LRRK1: variants seen among roughly 807,000 people sequenced by gnomAD.
LRRK1 encodes the protein leucine rich repeat kinase 1, also known as leucine-rich repeat serine/threonine-protein kinase 1.
Under a neutral mutation model 209.1 loss-of-function variants are expected in LRRK1, and 113 were observed. That is an observed-to-expected ratio of 0.54 (90% CI 0.46 to 0.63). The LOEUF is 0.63. LRRK1 is among the 30% of genes least tolerant of loss of function. The pLI, the probability that LRRK1 is intolerant of heterozygous loss-of-function variation, is 0.00. For synonymous variants in LRRK1, 1,144 were observed against 1,099.7 expected (o/e 1.04, Z -0.80); for missense variants, 2,284 against 2,632.2 (o/e 0.87, Z 2.89).
chr15:101,051,694 G>C lies in LRRK1; in HGVS notation c.3440-17G>C. ...CCACCTTCTTGTGAAGCTGTCTCCT[G>C]CTCTGTCCTTATTTAGCCCTGACAG... On this transcript the variant is annotated splice_polypyrimidine_tract_variant and intron_variant, in intron 23 of 33. Coordinates refer to ENST00000388948, the MANE Select transcript of LRRK1 (RefSeq NM_024652.6). 6.2e-7 allele frequency: 1 copy of C among 1,611,906 alleles called. No homozygotes were observed. Among genetic ancestry groups the C allele is most frequent in the Non-Finnish European group, 8.5e-7 (1 of 1,179,026 alleles).
intron 3 of LRRK1, among the ~76,000 whole-genome samples, chr15:100,974,499 T>C (rs752312435): frequency 6.6e-6 from 1 of 152,186 alleles, no homozygotes; most frequent in Non-Finnish European, 1.5e-5. Flanking sequence ...CAGCTGCTGC[T>C]CGTACTTTTA....
chr15:100,934,495 G>A lies in LRRK1; in HGVS notation c.97+9766G>A, dbSNP rs2042260596. Among the ~76,000 whole-genome samples the A allele has an allele frequency of 2.6e-5, 4 of 152,090 alleles. No individual in the cohort carries two copies. The South Asian group carries it at 8.3e-4, about 32-fold the overall frequency. On this transcript the variant is annotated intron_variant, in intron 2 of 33. Transcript: ENST00000388948. ...CCAGTTGTAGCAGGAAAAGTAGACA[G>A]CAAAGAACAAGAGAGCTGAGCAAGG...
At chr15:100,954,160 C>T (rs952737253) in intron 2 of LRRK1, among the ~76,000 whole-genome samples, 7 of 152,100 alleles carry the variant, frequency 4.6e-5, no homozygotes, top group African/African-American at 9.7e-5. Context: ...GTGATCTGCC[C>T]GCCTCGGCCT....
At position 101,008,938 on chromosome 15, in the gene LRRK1, C is replaced by A; in HGVS notation, c.864C>A (p.Asn288Lys). The change falls in exon 7 of 34, where the codon AAC becomes AAA. Residue 288 changes from asparagine to lysine, a missense_variant. Physicochemically the swap from Asn to Lys is moderately conservative, Grantham distance 94. This residue lies in a region of LRRK1 where 494 missense variants were observed against 522.1 expected (regional missense o/e 0.95). Coordinates refer to ENST00000388948, the MANE Select transcript of LRRK1 (RefSeq NM_024652.6). ...TCACGGAGCTCGACCTTTCTGCCAACTGCCTGGCGACCCTCCCCTCGGTTA... is the reference window on the plus strand; with the variant it reads ...TCACGGAGCTCGACCTTTCTGCCAAATGCCTGGCGACCCTCCCCTCGGTTA... ...CQITELDLSA[N>K]CLATLPSVIP... 6.2e-7 allele frequency: 1 copy of A among 1,614,210 alleles called. No individual in the cohort carries two copies. The highest frequency in any genetic ancestry group is 8.5e-7 in the Non-Finnish European group (1 of 1,180,016).
chr15:101,067,922 G>C (rs1194795124), intron 33 of LRRK1, among the ~76,000 whole-genome samples: 1 of 152,192 alleles, frequency 6.6e-6, no homozygotes, highest in Non-Finnish European at 1.5e-5. Context: ...CCTCTTTCTC[G>C]CTAGAGGGAG....
intron 6 of LRRK1, among the ~76,000 whole-genome samples, chr15:100,991,243 T>C (rs1262658224): frequency 1.3e-5 from 2 of 152,236 alleles, no homozygotes; most frequent in East Asian, 1.9e-4. Flanking sequence ...AGGCACTGCA[T>C]TTAAGTTTTA....
At chr15:100,985,465 T>C (rs1042627927) in intron 4 of LRRK1, among the ~76,000 whole-genome samples, 2 of 152,116 alleles carry the variant, frequency 1.3e-5, no homozygotes, top group African/African-American at 4.8e-5. Context: ...GCAGGGGAAA[T>C]TGAGGCAGAA....
intron 2 of LRRK1, among the ~76,000 whole-genome samples, chr15:100,972,934 A>ACACACACC (rs11472046): frequency 0.37 from 56,192 of 151,418 alleles, 12,282 homozygotes; most frequent in South Asian, 0.58. Context: ...ACACACACAC[A>ACACACACC]CACCCAGTTT....
At chr15:101,037,234 G>A (rs2034526830) in intron 20 of LRRK1, among the ~76,000 whole-genome samples, 1 of 152,214 alleles carries the variant, frequency 6.6e-6, no homozygotes, top group Non-Finnish European at 1.5e-5. Context: ...GCTGGTATTG[G>A]CAGTGGCTGC....
intron 2 of LRRK1, among the ~76,000 whole-genome samples, chr15:100,939,886 T>A (rs965175991): frequency 6.6e-6 from 1 of 152,244 alleles, no homozygotes; most frequent in East Asian, 1.9e-4. Context: ...TGGGGTTTTT[T>A]TTCCTTAGTA....
chr15:100,934,846 G>A (rs1348942820), intron 2 of LRRK1, among the ~76,000 whole-genome samples: 1 of 150,584 alleles, frequency 6.6e-6, no homozygotes, highest in Non-Finnish European at 1.5e-5. Context: ...AAACCAGAGA[G>A]TGATGCTCAA....
At chr15:101,051,611 C>T in intron 23 of LRRK1, 100 bp from the exon 24 acceptor site, 2 of 1,466,362 alleles carry the variant, frequency 1.4e-6, no homozygotes, top group South Asian at 2.6e-5. Flanking sequence ...GGCAGCTCCC[C>T]TGCTGCGAAG....
Position 101,022,095 on chromosome 15 carries a change from A to G in LRRK1, c.1852+138A>G, listed in dbSNP as rs1198828565. On this transcript the variant is annotated intron_variant, in intron 14 of 33. Coordinates refer to ENST00000388948, the MANE Select transcript of LRRK1 (RefSeq NM_024652.6). The surrounding 1 kb of genome is among the most constrained non-coding windows in gnomAD (Gnocchi z 4.0). Reference sequence around the variant, plus strand: ...GGTTCCAGATTTGACAAGATGCTATAAAATTGTCCCTAAAGCAATCGTTAC... The same window carrying G: ...GGTTCCAGATTTGACAAGATGCTATGAAATTGTCCCTAAAGCAATCGTTAC... The G allele has an allele frequency of 4.5e-6, 3 of 666,032 alleles. No individual in the cohort carries two copies. In the Admixed American group the frequency reaches 8.6e-5, roughly 19 times the overall value. 41.3% of individuals were successfully genotyped at this position (666,032 alleles called of 1,614,324 possible). A position where few individuals can be genotyped will look rare whatever the true frequency, so the allele number is the denominator to read the frequency against.
At chr15:100,950,907 T>C (rs533285496) in intron 2 of LRRK1, among the ~76,000 whole-genome samples, 12 of 152,034 alleles carry the variant, frequency 7.9e-5, no homozygotes, top group East Asian at 1.9e-4. Context: ...ATCGAGACCA[T>C]CCTGGCTAAC....
At position 101,026,107 on chromosome 15, in the gene LRRK1, G is replaced by C; in HGVS notation, c.2375G>C (p.Gly792Ala). The change falls in exon 17 of 34, where the codon GGC becomes GCC. Residue 792 changes from glycine (G) to alanine (A), a missense_variant. Gly to Ala is a moderately conservative substitution (Grantham distance 60, BLOSUM62 0). Transcript: ENST00000388948. ...TCCCCCTCCGGCTCCAGGGCCACAG[G>C]CTTCCCAGACATCACCTTCAAACAC... ...CRSPSGSRAT[G>A]FPDITFKHLH... is the part of the protein sequence containing the mutation. 3 of 1,614,242 alleles carry C rather than the reference G, an allele frequency of 1.9e-6. No homozygotes were observed. In the South Asian group the frequency reaches 3.3e-5, roughly 18 times the overall value.
intron 28 of LRRK1, among the ~76,000 whole-genome samples, chr15:101,057,778 G>A (rs922448854): frequency 6.6e-6 from 1 of 152,238 alleles, no homozygotes; most frequent in Non-Finnish European, 1.5e-5. Context: ...CTGACCAGAT[G>A]AGCTTAAATT....
At chr15:100,949,247 A>G (rs2042599419) in intron 2 of LRRK1, among the ~76,000 whole-genome samples, 1 of 152,188 alleles carries the variant, frequency 6.6e-6, no homozygotes, top group Non-Finnish European at 1.5e-5. Context: ...AATACTGTGA[A>G]CAATTTGCAC....
At chr15:100,962,824 T>TACATATATATATATATACA (rs1555461505) in intron 2 of LRRK1, among the ~76,000 whole-genome samples, 4 of 8,436 alleles carry the variant, frequency 4.7e-4, no homozygotes, top group Non-Finnish European at 5.7e-4. Flanking sequence ...TATATATATA[T>TACATATATATATATATACA]TTTTTTTTTT....
Position 100,973,679 on chromosome 15 carries a change from C to G in LRRK1, c.98-125C>G, listed in dbSNP as rs190159794. The G allele has an allele frequency of 1.8e-5, 18 of 1,007,812 alleles. No individual in the cohort carries two copies. In the Admixed American group the frequency reaches 6.0e-4, roughly 34 times the overall value. 62.4% of individuals were successfully genotyped at this position (1,007,812 alleles called of 1,614,324 possible). ...GGGAGCGTCGCGGGGCCACCCCTCT[C>G]TCTTCCTGAAGCCCCCGCGATCGTG... On this transcript the variant is annotated intron_variant, in intron 2 of 33. Coordinates refer to ENST00000388948, the MANE Select transcript of LRRK1 (RefSeq NM_024652.6).
Sources: allele counts gnomAD v4.1 joint callset (sites outside exome capture counted in the v4.1 genomes callset), GRCh38; gene constraint gnomAD v4.1.1; regional missense constraint gnomAD v4.1.1; non-coding constraint Gnocchi (gnomAD v3.1); transcripts MANE v1.5; gene names NCBI Gene and HGNC (gene_info 2026-07-23, HGNC 2026-07-21).